Variants in SMOC2 observed in about 807,000 individuals in gnomAD.
The protein encoded by SMOC2 is SPARC related modular calcium binding 2.
Under a neutral mutation model 61.4 loss-of-function variants are expected in SMOC2, and 39 were observed. The observed-to-expected ratio is 0.64, with a 90% confidence interval of 0.49 to 0.83. The LOEUF (loss-of-function observed/expected upper bound fraction) is 0.83. Among genes scored for constraint, SMOC2 ranks in the 40% least tolerant of loss-of-function variants. The pLI is 0.00. For missense variants in SMOC2, 556 were observed against 592.9 expected (o/e 0.94, Z 0.65); for synonymous variants, 247 against 239.9 (o/e 1.03, Z -0.27).
At position 168,469,987 on chromosome 6, in the gene SMOC2, C is replaced by T. The variant is rs188995162; in HGVS notation, c.84+28533C>T. On this transcript the variant is annotated intron_variant, in intron 1 of 12. Transcript: ENST00000356284. ...GAAATTTAAAATATATTCATTTTCC[C>T]AAAATTGGCCTTTATAAGTGACTGT... Among the ~76,000 whole-genome samples, 58 of 152,310 alleles carry T rather than the reference C, an allele frequency of 3.8e-4. 1 individual carries two copies. The highest frequency in any genetic ancestry group is 1.5e-5 in the Non-Finnish European group (1 of 68,028).
chr6:168,550,033 A>G (rs1259554536), intron 7 of SMOC2, among the ~76,000 whole-genome samples: 1 of 152,202 alleles, frequency 6.6e-6, no homozygotes, highest in Non-Finnish European at 1.5e-5. Flanking sequence ...GGGTTGCTTC[A>G]TCTTTGGTTA....
chr6:168,482,764 A>G (rs930907970), intron 1 of SMOC2, among the ~76,000 whole-genome samples: 9 of 152,112 alleles, frequency 5.9e-5, no homozygotes, highest in Non-Finnish European at 1.0e-4. Flanking sequence ...AAATCAATCA[A>G]TGTAATACAT....
intron 9 of SMOC2, among the ~76,000 whole-genome samples, chr6:168,609,573 G>T (rs569390977): frequency 2.6e-5 from 4 of 152,250 alleles, no homozygotes; most frequent in Admixed American, 6.5e-5. Context: ...CCCCCTGATG[G>T]CCCTGTCAGG....
In SMOC2 at chr6:168,526,426, T is replaced by C; in HGVS notation, c.337T>C (p.Cys113Arg). 1 of 1,614,136 alleles carries C rather than the reference T, an allele frequency of 6.2e-7. No homozygotes were observed. The highest frequency in any genetic ancestry group is 8.5e-7 in the Non-Finnish European group (1 of 1,180,036). Residue 113 changes from cysteine (C) to arginine (R), a missense_variant, in exon 3 of 13, where the codon TGC becomes CGC. Transcript: ENST00000356284. ...GTTTCAGCAAGTGTTCATTCCTGAG[T>C]GCAATGACGACGGCACCTACAGTCA... Reference protein sequence around the residue: ...KEFQQVFIPECNDDGTYSQVQ... With the variant: ...KEFQQVFIPERNDDGTYSQVQ...
At chr6:168,590,541 C>A (rs76357152) in intron 7 of SMOC2, among the ~76,000 whole-genome samples, 1 of 151,832 alleles carries the variant, frequency 6.6e-6, no homozygotes, top group Non-Finnish European at 1.5e-5. Context: ...CTGCTGGAAG[C>A]TGAGCAAGAA....
At chr6:168,556,759 C>T (rs1213784447) in intron 7 of SMOC2, among the ~76,000 whole-genome samples, 3 of 103,828 alleles carry the variant, frequency 2.9e-5, no homozygotes, top group African/African-American at 1.2e-4. Flanking sequence ...CACCCCACAA[C>T]AGGCCCCGCT....
At position 168,650,663 on chromosome 6, in the gene SMOC2, C is replaced by T. The variant is rs757291908; in HGVS notation, c.908-18C>T. 4.4e-6 allele frequency: 7 copies of T among 1,607,486 alleles called. No individual in the cohort carries two copies. The Admixed American group carries it at 5.0e-5, about 12-fold the overall frequency. ...AGGCTTTATGAGTTAATTATGAAAA[C>T]ATACACGTGTTTTTCAGGTTGTCCG... On this transcript the variant is annotated intron_variant, in intron 9 of 12. Transcript: ENST00000356284.
chr6:168,623,348 T>TTTTG (rs1786294156), intron 9 of SMOC2, among the ~76,000 whole-genome samples: 1 of 148,438 alleles, frequency 6.7e-6, no homozygotes, highest in Non-Finnish European at 1.5e-5. Context: ...TTTTTTTTTT[T>TTTTG]GAGACAGAGT....
At chr6:168,650,904 A>AAGGCTCCTTTTT in intron 10 of SMOC2, 121 bp downstream of exon 10, 1 of 846,590 alleles carries the variant, frequency 1.2e-6, no homozygotes, top group Non-Finnish European at 1.8e-6. Context: ...GTAGGGCCTT[A>AAGGCTCCTTTTT]AAAAGGAGCC....
chr6:168,614,859 G>A (rs866084082), intron 9 of SMOC2, among the ~76,000 whole-genome samples: 1 of 31,776 alleles, frequency 3.1e-5, no homozygotes, highest in African/African-American at 1.1e-4. Flanking sequence ...CCAGCACAGG[G>A]CCTCTTCACA....
intron 7 of SMOC2, among the ~76,000 whole-genome samples, chr6:168,555,752 C>G (rs1784233129): frequency 6.6e-6 from 1 of 152,144 alleles, no homozygotes; most frequent in Non-Finnish European, 1.5e-5. Flanking sequence ...GAGTGGCCGC[C>G]CGGACACACC....
intron 1 of SMOC2, among the ~76,000 whole-genome samples, chr6:168,509,114 C>T (rs1026054149): frequency 6.6e-6 from 1 of 152,278 alleles, no homozygotes; most frequent in Non-Finnish European, 1.5e-5. Flanking sequence ...CACACGGGGC[C>T]AGCACGCCCA....
intron 2 of SMOC2, among the ~76,000 whole-genome samples, chr6:168,522,768 C>T (rs977009076): frequency 6.6e-6 from 1 of 152,106 alleles, no homozygotes; most frequent in Non-Finnish European, 1.5e-5. Context: ...ATACATGAAC[C>T]GTGAAAACAT....
chr6:168,448,871 A>G (rs1204826868), intron 1 of SMOC2, among the ~76,000 whole-genome samples: 1 of 152,192 alleles, frequency 6.6e-6, no homozygotes, highest in Non-Finnish European at 1.5e-5. Flanking sequence ...TTAGAATGGT[A>G]GGGTTGATAT....
At chr6:168,515,032 T>C (rs900773998) in intron 2 of SMOC2, among the ~76,000 whole-genome samples, 4 of 152,204 alleles carry the variant, frequency 2.6e-5, no homozygotes, top group African/African-American at 4.8e-5. Flanking sequence ...GGAGAACAAA[T>C]GTCAATTAAA....
intron 9 of SMOC2, among the ~76,000 whole-genome samples, chr6:168,617,235 C>T (rs4708765): frequency 0.21 from 31,023 of 148,432 alleles, 3,627 homozygotes; most frequent in Non-Finnish European, 0.25. Context: ...ATTAAATAAA[C>T]AAAGGCGTTT....
At chr6:168,543,191 TCTC>T (rs1783912119) in intron 4 of SMOC2, among the ~76,000 whole-genome samples, 1 of 152,218 alleles carries the variant, frequency 6.6e-6, no homozygotes, top group South Asian at 2.1e-4. Flanking sequence ...TCCTCGCCAT[TCTC>T]CTCTATAAAT....
rs542883195 is a variant in SMOC2, at chr6:168,608,071, G to A, written c.825-86G>A. On this transcript the variant is annotated intron_variant, in intron 8 of 12. Coordinates refer to ENST00000356284, the MANE Select transcript of SMOC2 (RefSeq NM_001166412.2). ...CAGGTCACGGTGTATGCTAGGGTAG[G>A]ACACTCCAGAAATGGAAGACAAACC... 2,148 of 1,245,390 alleles carry A rather than the reference G, an allele frequency of 1.7e-3. 10 individuals carry two copies. The Middle Eastern group carries it at 0.018, about 11-fold the overall frequency. 77.1% of individuals were successfully genotyped at this position (1,245,390 alleles called of 1,614,324 possible).
At chr6:168,512,976 ATAGTT>A (rs1373712555) in intron 2 of SMOC2, among the ~76,000 whole-genome samples, 1 of 152,246 alleles carries the variant, frequency 6.6e-6, no homozygotes, top group Non-Finnish European at 1.5e-5. Context: ...TAGTAGAAAA[ATAGTT>A]TAAAGTTATT....
Sources: allele counts gnomAD v4.1 joint callset (sites outside exome capture counted in the v4.1 genomes callset), GRCh38; gene constraint gnomAD v4.1.1; transcripts MANE v1.5; gene names NCBI Gene and HGNC (gene_info 2026-07-23, HGNC 2026-07-21).